Variants in NTRK2 observed in about 807,000 individuals in gnomAD.
NTRK2 encodes the protein BDNF/NT-3 growth factors receptor.
A neutral mutation model predicts 94.5 loss-of-function variants in NTRK2; 13 were observed. The observed-to-expected ratio is 0.14, with a 90% CI of 0.09 to 0.22. The LOEUF is 0.22. Among genes scored for constraint, NTRK2 ranks in the 10% least tolerant of loss-of-function variants. The pLI, the probability that NTRK2 is intolerant of heterozygous loss-of-function variation, is 1.00. For missense variants in NTRK2, 639 were observed against 1,071.2 expected (o/e 0.60, Z 5.63); for synonymous variants, 372 against 407.4 (o/e 0.91, Z 1.05).
intron 17 of NTRK2, among the ~76,000 whole-genome samples, chr9:85,010,043 C>T (rs1395400515): frequency 6.6e-6 from 1 of 152,200 alleles, no homozygotes; most frequent in Non-Finnish European, 1.5e-5. Flanking sequence ...GGTGGGACAG[C>T]TACTCTCTCT....
At chr9:85,016,453 G>T (rs1832237953) in intron 17 of NTRK2, among the ~76,000 whole-genome samples, 1 of 152,208 alleles carries the variant, frequency 6.6e-6, no homozygotes, top group African/African-American at 2.4e-5. Context: ...CAGGCTGAGA[G>T]CAGGAATTCT....
At chr9:84,690,701 AGAGT>A (rs1421251042) in intron 2 of NTRK2, among the ~76,000 whole-genome samples, 1 of 151,856 alleles carries the variant, frequency 6.6e-6, no homozygotes, top group East Asian at 1.9e-4. Flanking sequence ...CCTGGGCGAC[AGAGT>A]GAGACTCCAT....
intron 14 of NTRK2, among the ~76,000 whole-genome samples, chr9:84,922,931 A>G (rs2077615339): frequency 6.6e-6 from 1 of 152,228 alleles, no homozygotes; most frequent in Non-Finnish European, 1.5e-5. Flanking sequence ...AAGAGCTCTC[A>G]AATAAGCATA....
At chr9:84,978,374 A>G (rs916943438) in intron 17 of NTRK2, among the ~76,000 whole-genome samples, 2 of 152,226 alleles carry the variant, frequency 1.3e-5, no homozygotes, top group Admixed American at 6.5e-5. Context: ...TGGTCTAGAT[A>G]GAAGATCGAA....
chr9:84,736,449 A>G (rs901218626), intron 9 of NTRK2, among the ~76,000 whole-genome samples: 1 of 152,186 alleles, frequency 6.6e-6, no homozygotes, highest in Non-Finnish European at 1.5e-5. Context: ...GTGGATTTAG[A>G]TTTGGTGTAC....
chr9:84,700,614 T>C (rs1165111716), intron 2 of NTRK2, among the ~76,000 whole-genome samples: 2 of 152,220 alleles, frequency 1.3e-5, no homozygotes, highest in East Asian at 1.9e-4. Flanking sequence ...TGATTTTTAT[T>C]TTTAAAATTT....
intron 12 of NTRK2, among the ~76,000 whole-genome samples, chr9:84,786,476 CTT>C (rs556627544): frequency 1.0e-3 from 155 of 152,242 alleles, no homozygotes; most frequent in African/African-American, 3.5e-3. Context: ...ATTCATTTCT[CTT>C]TGTTCTTGTT....
At chr9:84,875,981 G>C (rs2076050754) in intron 14 of NTRK2, 2 of 1,036,864 alleles carry the variant, frequency 1.9e-6, no homozygotes, top group Non-Finnish European at 2.3e-6. Flanking sequence ...AGGCAGGGGG[G>C]AATCCCAGAA....
intron 15 of NTRK2, among the ~76,000 whole-genome samples, chr9:84,941,866 C>T (rs532467101): frequency 9.2e-5 from 14 of 152,250 alleles, no homozygotes; most frequent in African/African-American, 3.4e-4. Context: ...TTTTATCCAC[C>T]ATATTATTGC....
chr9:85,016,274 TA>T (rs1229467514), intron 17 of NTRK2, among the ~76,000 whole-genome samples: 2 of 152,152 alleles, frequency 1.3e-5, no homozygotes, highest in African/African-American at 4.8e-5. Context: ...GCACAAGAAC[TA>T]GAACTCCAGT....
At chr9:84,857,105 GT>G (rs11424631) in intron 12 of NTRK2, among the ~76,000 whole-genome samples, 17 of 146,488 alleles carry the variant, frequency 1.2e-4, no homozygotes, top group East Asian at 4.0e-4. Context: ...TTGAAAAAGT[GT>G]TTTTTTTTTG....
chr9:84,707,908 G>A lies in NTRK2; in HGVS notation c.424G>A (p.Glu142Lys). 2 of 1,612,104 alleles carry A rather than the reference G, an allele frequency of 1.2e-6. No individual in the cohort carries two copies. Among genetic ancestry groups the A allele is most frequent in the East Asian group, 2.2e-5 (1 of 44,744 alleles). Reference protein sequence around the residue: ...RKHFRHLDLSELILVGNPFTC... With the variant: ...RKHFRHLDLSKLILVGNPFTC... ...ACATTTCCGTCACCTTGACTTGTCT[G>A]AACTGTAAGTAATGATTTTGTGTGG... The change falls in exon 5 of 19, where the codon GAA (glutamate) becomes AAA (lysine). Residue 142 changes from glutamate to lysine, a missense_variant. This residue lies in a region of NTRK2 where 206 missense variants were observed against 251.5 expected (regional missense o/e 0.82). Transcript: ENST00000277120.
At chr9:84,954,981 C>T (rs1382382790) in intron 16 of NTRK2, among the ~76,000 whole-genome samples, 1 of 152,158 alleles carries the variant, frequency 6.6e-6, no homozygotes, top group Admixed American at 6.5e-5. Context: ...AGTGCCAGAG[C>T]CCCTAAAATG....
At chr9:84,908,413 A>G (rs2077139496) in intron 14 of NTRK2, among the ~76,000 whole-genome samples, 1 of 152,238 alleles carries the variant, frequency 6.6e-6, no homozygotes, top group Non-Finnish European at 1.5e-5. Context: ...TCAGACACAA[A>G]GAAAGAAAAA....
chr9:84,875,459 G>A, intron 14 of NTRK2: 1 of 1,062,508 alleles, frequency 9.4e-7, no homozygotes, highest in East Asian at 5.1e-5. Flanking sequence ...CTCTCATTTA[G>A]GGTCATCACT....
intron 12 of NTRK2, among the ~76,000 whole-genome samples, chr9:84,829,233 A>G (rs1213579338): frequency 6.6e-6 from 1 of 152,108 alleles, no homozygotes; most frequent in Admixed American, 6.5e-5. Flanking sequence ...TCCTGACCTC[A>G]AGTGATCCGC....
intron 17 of NTRK2, among the ~76,000 whole-genome samples, chr9:84,991,795 G>A (rs766289295): frequency 1.3e-5 from 2 of 152,146 alleles, no homozygotes; most frequent in Non-Finnish European, 1.5e-5. Context: ...CCTCTCACAC[G>A]AGGAACAGCC....
chr9:84,690,712 C>G (rs900492879), intron 2 of NTRK2, among the ~76,000 whole-genome samples: 6 of 149,824 alleles, frequency 4.0e-5, no homozygotes, highest in African/African-American at 1.5e-4. Context: ...GAGTGAGACT[C>G]CATCTCAAAA....
At chr9:84,672,001 A>C (rs2058728854) in intron 2 of NTRK2, among the ~76,000 whole-genome samples, 1 of 152,202 alleles carries the variant, frequency 6.6e-6, no homozygotes, top group African/African-American at 2.4e-5. Context: ...ATTGTAAGGC[A>C]AAGTTTCTCC....
Sources: allele counts gnomAD v4.1 joint callset (sites outside exome capture counted in the v4.1 genomes callset), GRCh38; gene constraint gnomAD v4.1.1; regional missense constraint gnomAD v4.1.1; transcripts MANE v1.5; gene names NCBI Gene and HGNC (gene_info 2026-07-23, HGNC 2026-07-21).